GRIN2D: variants seen among roughly 807,000 people sequenced by gnomAD.
The protein encoded by GRIN2D is glutamate receptor ionotropic, NMDA 2D.
In GRIN2D, 37 loss-of-function variants were observed where a neutral mutation model predicts 103.2. The observed-to-expected ratio is 0.36, with a 90% confidence interval of 0.28 to 0.47. The LOEUF (loss-of-function observed/expected upper bound fraction) is 0.47. Among genes scored for constraint, GRIN2D ranks in the 20% least tolerant of loss-of-function variants. GRIN2D has a pLI of 1.00. For missense variants in GRIN2D, 1,557 were observed against 1,910.6 expected (o/e 0.81, Z 3.45); for synonymous variants, 845 against 885.6 (o/e 0.95, Z 0.81).
At chr19:48,439,655 C>T (rs758467948) in intron 11 of GRIN2D, among the ~76,000 whole-genome samples, 9 of 152,142 alleles carry the variant, frequency 5.9e-5, no homozygotes, top group South Asian at 2.1e-4. Context: ...AGGCTGGGCA[C>T]GGTGGCTCAT....
Position 48,443,919 on chromosome 19 carries a change from C to A in GRIN2D, c.3993C>A (p.Ser1331Arg). ...GTRRGSAHFS[S>R]LESEV ...GCAGGGGCTCGGCGCACTTCTCTAG[C>A]CTCGAGTCCGAGGTATGACGCGGCC... Residue 1331 changes from serine (S) to arginine (R), a missense_variant, in exon 14 of 14, where the codon AGC (serine) becomes AGA (arginine). Ser to Arg is a moderately radical substitution (Grantham distance 110). Coordinates refer to ENST00000263269, the MANE Select transcript of GRIN2D (RefSeq NM_000836.4). This position sits in a 1 kb window ranked among gnomAD's most constrained non-coding sequence, Gnocchi z 8.9. 6.9e-7 allele frequency: 1 copy of A among 1,443,664 alleles called. No individual in the cohort carries two copies. Among genetic ancestry groups the A allele is most frequent in the Non-Finnish European group, 9.1e-7 (1 of 1,100,616 alleles). The allele number at this position is 1,443,664 out of a possible 1,614,324, so 89.4% of individuals were successfully genotyped here.
chr19:48,396,232 G>A (rs184236332), intron 2 of GRIN2D, among the ~76,000 whole-genome samples: 1 of 152,190 alleles, frequency 6.6e-6, no homozygotes, highest in Non-Finnish European at 1.5e-5. Flanking sequence ...TGAGGGCGTG[G>A]GTTCTGGGGG....
In GRIN2D at chr19:48,442,992, C is replaced by G; in HGVS notation, c.3066C>G (p.Gly1022=). 2 of 1,103,146 alleles carry G rather than the reference C, an allele frequency of 1.8e-6. No individual in the cohort carries two copies. Among genetic ancestry groups the G allele is most frequent in the Non-Finnish European group, 2.2e-6 (2 of 901,630 alleles). The allele number at this position is 1,103,146 out of a possible 1,614,324, so 68.3% of individuals were successfully genotyped here. A position where few individuals can be genotyped will look rare whatever the true frequency, so the allele number is the denominator to read the frequency against. ...RDKEPAEPPA[G]AFPGFPSPPA... is the part of the protein sequence containing the mutation. ...AGGAGCCAGCCGAGCCCCCCGCCGG[C>G]GCCTTCCCCGGCTTCCCGTCGCCGC... Residue 1022 remains glycine (G), a synonymous_variant, in exon 14 of 14, where the codon GGC becomes GGG. Transcript: ENST00000263269. The surrounding 1 kb of genome is among the most constrained non-coding windows in gnomAD (Gnocchi z 7.2).
Position 48,443,783 on chromosome 19 carries a change from G to C in GRIN2D, c.3857G>C (p.Arg1286Thr). The C allele has an allele frequency of 6.8e-7, 1 of 1,461,168 alleles. No individual in the cohort carries two copies. The highest frequency in any genetic ancestry group is 1.3e-5 in the South Asian group (1 of 76,048). The allele number at this position is 1,461,168 out of a possible 1,614,324, so 90.5% of individuals were successfully genotyped here. ...TGCCCTCGCGCCGCCCCTGCGCGCA[G>C]GCTTACCGGGCCCTCCCGCCACGCT... ...SSCPRAAPAR[R>T]LTGPSRHARR... The change falls in exon 14 of 14, where the codon AGG (arginine) becomes ACG (threonine). Residue 1286 changes from arginine to threonine, a missense_variant. Physicochemically the swap from Arg to Thr is moderately conservative, Grantham distance 71 (BLOSUM62 -1). Coordinates refer to ENST00000263269, the MANE Select transcript of GRIN2D (RefSeq NM_000836.4). This position sits in a 1 kb window ranked among gnomAD's most constrained non-coding sequence, Gnocchi z 8.9.
At chr19:48,401,081 CAAA>C (rs34313286) in intron 3 of GRIN2D, among the ~76,000 whole-genome samples, 5 of 123,870 alleles carry the variant, frequency 4.0e-5, no homozygotes, top group Non-Finnish European at 7.1e-5. Context: ...AGACTGTTCT[CAAA>C]AAAAAAAAAA....
chr19:48,428,135 C>T (rs976076089), intron 11 of GRIN2D, among the ~76,000 whole-genome samples: 1 of 148,814 alleles, frequency 6.7e-6, no homozygotes, highest in Admixed American at 6.8e-5. Flanking sequence ...CCTCTGGGTT[C>T]AAGTGATTCT....
At chr19:48,413,187 A>AG (rs1483797721) in intron 4 of GRIN2D, among the ~76,000 whole-genome samples, 1 of 143,628 alleles carries the variant, frequency 7.0e-6, no homozygotes, top group African/African-American at 2.6e-5. Flanking sequence ...AAAAAAAAAA[A>AG]AAAGAAAGAG....
intron 11 of GRIN2D, among the ~76,000 whole-genome samples, chr19:48,436,689 A>G (rs1225762468): frequency 6.6e-6 from 1 of 152,218 alleles, no homozygotes; most frequent in Non-Finnish European, 1.5e-5. Context: ...TAGAAGCAAG[A>G]TGGAGTCAGT....
intron 3 of GRIN2D, among the ~76,000 whole-genome samples, chr19:48,399,857 A>C (rs1161071353): frequency 7.6e-6 from 1 of 130,940 alleles, no homozygotes; most frequent in Admixed American, 8.1e-5. Context: ...TGAGTCAGAA[A>C]AGGGGGCGGG....
rs765513087 is a variant in GRIN2D, at chr19:48,443,478, C to T, written c.3552C>T (p.Ala1184=). ...GPAAWHCRHC[A]SLELLPPPRH... is the part of the protein sequence containing the mutation. ...CCGCCTGGCACTGTCGGCACTGCGC[C>T]AGCCTGGAGCTGCTGCCGCCGCCGC... Residue 1184 remains alanine, a synonymous_variant, in exon 14 of 14, where the codon GCC becomes GCT. Coordinates refer to ENST00000263269, the MANE Select transcript of GRIN2D (RefSeq NM_000836.4). This position sits in a 1 kb window ranked among gnomAD's most constrained non-coding sequence, Gnocchi z 8.9. 2.9e-6 allele frequency: 4 copies of T among 1,368,314 alleles called. No homozygotes were observed. The African/African-American group carries it at 4.6e-5, about 16-fold the overall frequency. 84.8% of individuals were successfully genotyped at this position (1,368,314 alleles called of 1,614,324 possible). A position where few individuals can be genotyped will look rare whatever the true frequency, so the allele number is the denominator to read the frequency against.
chr19:48,420,392 C>G (rs1478233442), intron 10 of GRIN2D, among the ~76,000 whole-genome samples: 1 of 151,578 alleles, frequency 6.6e-6, no homozygotes, highest in African/African-American at 2.4e-5. Context: ...CGCCCCACTG[C>G]ACTCCAGCCA....
chr19:48,420,606 A>G (rs1971010362), intron 10 of GRIN2D, among the ~76,000 whole-genome samples: 1 of 152,014 alleles, frequency 6.6e-6, no homozygotes, highest in African/African-American at 2.4e-5. Context: ...TGGGTGGATC[A>G]CCTGAGGTCA....
chr19:48,420,083 A>T (rs1971001622), intron 10 of GRIN2D, among the ~76,000 whole-genome samples: 1 of 152,150 alleles, frequency 6.6e-6, no homozygotes, highest in African/African-American at 2.4e-5. Flanking sequence ...TGTGTCAAAT[A>T]GGATATTCTA....
chr19:48,409,278 T>C (rs113401612), intron 4 of GRIN2D, among the ~76,000 whole-genome samples: 57 of 141,582 alleles, frequency 4.0e-4, no homozygotes, highest in African/African-American at 7.4e-4. Context: ...AAATTTCTTT[T>C]TTTTTTTTTT....
chr19:48,398,284 G>A, intron 2 of GRIN2D, 83 bp from the exon 3 acceptor site: 1 of 463,776 alleles, frequency 2.2e-6, no homozygotes. Flanking sequence ...TCCTCTGTGC[G>A]TCTCTTTATC....
Position 48,394,545 on chromosome 19 carries a change from G to A in GRIN2D, c.-305-113G>A, listed in dbSNP as rs995231002. 6.8e-6 allele frequency among the ~76,000 whole-genome samples: 1 copy of A among 147,466 alleles called. No homozygotes were observed. On this transcript the variant is annotated intron_variant, in intron 1 of 13. Coordinates refer to ENST00000263269, the MANE Select transcript of GRIN2D (RefSeq NM_000836.4). This position sits in a 1 kb window ranked among gnomAD's most constrained non-coding sequence, Gnocchi z 5.1. ...ACATGGAAAGGGGGGAGGAGCCGGGGCTGAAGCGGCAGAGGGGGGCACCCC... is the reference window on the plus strand; with the variant it reads ...ACATGGAAAGGGGGGAGGAGCCGGGACTGAAGCGGCAGAGGGGGGCACCCC...
At chr19:48,398,312 C>A in intron 2 of GRIN2D, 55 bp from the exon 3 acceptor site, 3 of 670,526 alleles carry the variant, frequency 4.5e-6, no homozygotes, top group African/African-American at 1.9e-5. Flanking sequence ...CCTGTCCCTG[C>A]GTCTCCCGTC....
Position 48,426,473 on chromosome 19 carries a change from G to A in GRIN2D, c.2252+4528G>A, listed in dbSNP as rs543473477. ...ACTCCTGACCTCAGGTGATCCAACC[G>A]CCTTGGCCTCCAAAAGAGCTGGGAT... On this transcript the variant is annotated intron_variant, in intron 11 of 13. Transcript: ENST00000263269. Among the ~76,000 whole-genome samples, 18 of 151,578 alleles carry A rather than the reference G, an allele frequency of 1.2e-4. No homozygotes were observed. In the South Asian group the frequency reaches 3.3e-3, roughly 28 times the overall value.
At chr19:48,403,255 T>G (rs1405725292) in intron 3 of GRIN2D, among the ~76,000 whole-genome samples, 1 of 138,202 alleles carries the variant, frequency 7.2e-6, no homozygotes, top group Non-Finnish European at 1.6e-5. Flanking sequence ...GGAGCTCACA[T>G]GAGAGGTTGT....
Sources: allele counts gnomAD v4.1 joint callset (sites outside exome capture counted in the v4.1 genomes callset), GRCh38; gene constraint gnomAD v4.1.1; non-coding constraint Gnocchi (gnomAD v3.1); transcripts MANE v1.5; gene names NCBI Gene and HGNC (gene_info 2026-07-23, HGNC 2026-07-21).